Variants in SPMAP2L observed in about 807,000 individuals in gnomAD.
SPMAP2L encodes the protein sperm microtubule associated protein 2 like, also known as sperm microtubule associated protein 2-like.
At chr4:56,620,510 C>T in the SPMAP2L span, among the ~76,000 whole-genome samples, 7 of 152,004 alleles carry the variant, frequency 4.6e-5, no homozygotes, top group African/African-American at 7.3e-5. Context: ...CCTCACTGCC[C>T]GAGTAGCTGG....
At chr4:56,573,366 T>C in the SPMAP2L span, among the ~76,000 whole-genome samples, 1 of 152,176 alleles carries the variant, frequency 6.6e-6, no homozygotes, top group Non-Finnish European at 1.5e-5. Context: ...TCAGTACAGA[T>C]TTTCCTGGCA....
chr4:56,568,247 A>G, the SPMAP2L span, among the ~76,000 whole-genome samples: 1 of 152,224 alleles, frequency 6.6e-6, no homozygotes, highest in South Asian at 2.1e-4. Flanking sequence ...TTGCCTACTA[A>G]TTTTATAATA....
chr4:56,578,302 T>C, the SPMAP2L span, among the ~76,000 whole-genome samples: 2 of 152,154 alleles, frequency 1.3e-5, no homozygotes, highest in Non-Finnish European at 2.9e-5. Flanking sequence ...CTGAACTAGA[T>C]TGTTGTAAGA....
the SPMAP2L span, chr4:56,593,039 C>T: frequency 6.3e-7 from 1 of 1,593,736 alleles, no homozygotes; most frequent in South Asian, 1.1e-5. Flanking sequence ...AAGCAAAAAC[C>T]AGATCTGGAG....
chr4:56,615,892 C>A, the SPMAP2L span, among the ~76,000 whole-genome samples: 1 of 152,134 alleles, frequency 6.6e-6, no homozygotes, highest in Non-Finnish European at 1.5e-5. Context: ...CCAGGTGACC[C>A]TAATGTGCCG....
chr4:56,548,226 G>A, the SPMAP2L span, among the ~76,000 whole-genome samples: 7 of 125,180 alleles, frequency 5.6e-5, no homozygotes, highest in African/African-American at 1.1e-4. Flanking sequence ...AAGTTTGAGC[G>A]TTCTCTTTCT....
chr4:56,576,723 C>T, the SPMAP2L span, among the ~76,000 whole-genome samples: 1 of 152,226 alleles, frequency 6.6e-6, no homozygotes, highest in South Asian at 2.1e-4. Flanking sequence ...TCAATTCATT[C>T]AATAAAATCC....
chr4:56,598,521 T>A, the SPMAP2L span, among the ~76,000 whole-genome samples: 2 of 151,930 alleles, frequency 1.3e-5, no homozygotes, highest in Non-Finnish European at 2.9e-5. Flanking sequence ...CCAGGGAAGA[T>A]CTCCTTGAAG....
the SPMAP2L span, among the ~76,000 whole-genome samples, chr4:56,623,232 A>G: frequency 6.6e-6 from 1 of 152,146 alleles, no homozygotes; most frequent in Non-Finnish European, 1.5e-5. Context: ...TGCTCCTAGA[A>G]CCCACAGCCT....
the SPMAP2L span, among the ~76,000 whole-genome samples, chr4:56,602,747 C>T: frequency 6.6e-6 from 1 of 152,028 alleles, no homozygotes; most frequent in Non-Finnish European, 1.5e-5. Flanking sequence ...TGATCAAGTG[C>T]ATTATCAAGG....
the SPMAP2L span, among the ~76,000 whole-genome samples, chr4:56,543,228 C>T: frequency 6.6e-6 from 1 of 151,804 alleles, no homozygotes; most frequent in African/African-American, 2.4e-5. Flanking sequence ...GGACTACAGG[C>T]GCCCGCCACC....
the SPMAP2L span, chr4:56,530,989 G>T: frequency 1.3e-6 from 2 of 1,535,282 alleles, no homozygotes; most frequent in Non-Finnish European, 1.7e-6. Context: ...CGAACTCCAT[G>T]GGCCCCATGC....
the SPMAP2L span, among the ~76,000 whole-genome samples, chr4:56,543,424 G>A: frequency 6.6e-6 from 1 of 152,052 alleles, no homozygotes; most frequent in Admixed American, 6.5e-5. Context: ...TGGGCATGGT[G>A]GCTCACACCT....
At chr4:56,571,272 T>A in the SPMAP2L span, among the ~76,000 whole-genome samples, 2 of 152,134 alleles carry the variant, frequency 1.3e-5, no homozygotes, top group African/African-American at 4.8e-5. Flanking sequence ...TTGATATATA[T>A]CCTTATAACA....
the SPMAP2L span, among the ~76,000 whole-genome samples, chr4:56,609,692 T>C: frequency 6.6e-6 from 1 of 152,270 alleles, no homozygotes; most frequent in East Asian, 1.9e-4. Context: ...AGGGCTATGC[T>C]CTCATCAGCG....
At chr4:56,617,401 C>G in the SPMAP2L span, among the ~76,000 whole-genome samples, 1 of 152,136 alleles carries the variant, frequency 6.6e-6, no homozygotes, top group Non-Finnish European at 1.5e-5. Flanking sequence ...TACTACCTAC[C>G]TACCTATTGT....
chr4:56,559,317 A>G, the SPMAP2L span: 1 of 1,156,624 alleles, frequency 8.6e-7, no homozygotes, highest in Non-Finnish European at 1.1e-6. Context: ...AAAAAAAAAA[A>G]AAAAAGAGTC....
the SPMAP2L span, among the ~76,000 whole-genome samples, chr4:56,597,872 T>G: frequency 7.2e-6 from 1 of 139,426 alleles, no homozygotes; most frequent in Admixed American, 6.9e-5. Flanking sequence ...GATGGTGGTG[T>G]TTTTTTTTTA....
chr4:56,596,197 C>T, the SPMAP2L span, among the ~76,000 whole-genome samples: 1 of 152,108 alleles, frequency 6.6e-6, no homozygotes, highest in Non-Finnish European at 1.5e-5. Flanking sequence ...GAGTGTTTTC[C>T]TCTTTTTCTG....
Sources: allele counts gnomAD v4.1 joint callset (sites outside exome capture counted in the v4.1 genomes callset), GRCh38; gene constraint gnomAD v4.1.1; transcripts MANE v1.5; gene names NCBI Gene and HGNC (gene_info 2026-07-23, HGNC 2026-07-21).